The following ZYG11B variants were observed in gnomAD, a reference collection of about 807,000 sequenced individuals.
ZYG11B encodes the protein protein zyg-11 homolog B.
Under a neutral mutation model 82.4 loss-of-function variants are expected in ZYG11B, and 36 were observed. The ratio of observed to expected loss-of-function variants is 0.44; its 90% CI spans 0.33 to 0.58. The LOEUF (loss-of-function observed/expected upper bound fraction) is 0.58. Among genes scored for constraint, ZYG11B ranks in the 20% least tolerant of loss-of-function variants. ZYG11B has a pLI of 0.02. For synonymous variants in ZYG11B, 303 were observed against 312.8 expected, an observed-to-expected ratio of 0.97 and a Z score of 0.33; for missense variants, 552 against 895.6, an observed-to-expected ratio of 0.62 and a Z score of 4.90.
At chr1:52,794,612 C>T (rs1462673112) in intron 6 of ZYG11B, among the ~76,000 whole-genome samples, 4 of 152,158 alleles carry the variant, frequency 2.6e-5, no homozygotes, top group Non-Finnish European at 2.9e-5. Context: ...GACTGTGGAT[C>T]TCTGACAGCT....
intron 1 of ZYG11B, among the ~76,000 whole-genome samples, chr1:52,749,018 T>C (rs1012396753): frequency 1.3e-5 from 2 of 151,468 alleles, no homozygotes; most frequent in Non-Finnish European, 2.9e-5. Flanking sequence ...CTGGCTAACA[T>C]GATGAAACCC....
At chr1:52,796,453 T>TC in intron 7 of ZYG11B, 62 bp downstream of exon 7, 3 of 1,362,262 alleles carry the variant, frequency 2.2e-6, no homozygotes, top group South Asian at 1.2e-5. Context: ...ATTTACTGTT[T>TC]CCCCCCAAAA....
chr1:52,783,889 C>CATACACGTGTGTGTGTATGTAG (rs1644884523), intron 4 of ZYG11B, among the ~76,000 whole-genome samples: 2 of 98,562 alleles, frequency 2.0e-5, no homozygotes, highest in Non-Finnish European at 3.6e-5. Context: ...TGTATATGTA[C>CATACACGTGTGTGTGTATGTAG]ATACACGTGT....
chr1:52,774,819 C>T (rs1319587225), intron 3 of ZYG11B, among the ~76,000 whole-genome samples: 1 of 152,008 alleles, frequency 6.6e-6, no homozygotes, highest in African/African-American at 2.4e-5. Flanking sequence ...GTTTTCTCTT[C>T]TGTTACCATC....
chr1:52,775,660 C>T (rs1644797539), intron 3 of ZYG11B, among the ~76,000 whole-genome samples: 1 of 151,334 alleles, frequency 6.6e-6, no homozygotes, highest in Admixed American at 6.6e-5. Context: ...CACTGCACTC[C>T]AGCCTGGGCG....
intron 2 of ZYG11B, 75 bp from the exon 3 acceptor site, chr1:52,770,945 A>G: frequency 6.7e-7 from 1 of 1,491,812 alleles, no homozygotes; most frequent in Non-Finnish European, 9.0e-7. Flanking sequence ...CGCTTTGGAA[A>G]TGTAAAGTGT....
intron 1 of ZYG11B, among the ~76,000 whole-genome samples, chr1:52,744,850 A>G (rs903373497): frequency 2.0e-5 from 3 of 152,128 alleles, no homozygotes; most frequent in South Asian, 4.2e-4. Flanking sequence ...CAAAAAAAAA[A>G]TATATTTCTA....
chr1:52,729,793 G>A (rs1644314988), intron 1 of ZYG11B, among the ~76,000 whole-genome samples: 1 of 152,022 alleles, frequency 6.6e-6, no homozygotes, highest in South Asian at 2.1e-4. Flanking sequence ...TGAACTGAGG[G>A]CAGGGCCTGA....
At chr1:52,786,934 T>C (rs1373940921) in intron 5 of ZYG11B, among the ~76,000 whole-genome samples, 1 of 151,750 alleles carries the variant, frequency 6.6e-6, no homozygotes, top group Non-Finnish European at 1.5e-5. Flanking sequence ...CTACTAAAAA[T>C]ACAATATTAG....
intron 10 of ZYG11B, among the ~76,000 whole-genome samples, chr1:52,810,016 A>C (rs571433467): frequency 6.6e-6 from 1 of 151,994 alleles, no homozygotes; most frequent in South Asian, 2.1e-4. Context: ...TTGGTTGCTG[A>C]ATATTTTTGT....
At chr1:52,746,008 G>T (rs1644473129) in intron 1 of ZYG11B, among the ~76,000 whole-genome samples, 1 of 151,336 alleles carries the variant, frequency 6.6e-6, no homozygotes, top group Admixed American at 6.6e-5. Context: ...GCCTAGGCTG[G>T]AGTGCAGTGG....
chr1:52,793,096 T>A (rs1263691444), intron 6 of ZYG11B, among the ~76,000 whole-genome samples: 1 of 150,454 alleles, frequency 6.6e-6, no homozygotes, highest in Non-Finnish European at 1.5e-5. Context: ...TGCCTTGGCC[T>A]CCCAAAGTGC....
At chr1:52,810,973 G>A (rs758562701) in intron 10 of ZYG11B, among the ~76,000 whole-genome samples, 6 of 150,612 alleles carry the variant, frequency 4.0e-5, no homozygotes, top group Admixed American at 1.3e-4. Context: ...GGCGGAAGTT[G>A]CAGTGAGCTG....
chr1:52,788,570 A>G (rs753913578), intron 5 of ZYG11B, among the ~76,000 whole-genome samples: 3 of 152,276 alleles, frequency 2.0e-5, no homozygotes, highest in Admixed American at 6.5e-5. Context: ...ACTTAGGACA[A>G]TTTGAAAATT....
At chr1:52,796,155 G>A in intron 6 of ZYG11B, 137 bp from the exon 7 acceptor site, 3 of 571,174 alleles carry the variant, frequency 5.3e-6, no homozygotes, top group East Asian at 2.9e-5. Context: ...AAGTGTAATT[G>A]TTACTCTCTA....
At chr1:52,728,861 A>ATT (rs55730485) in intron 1 of ZYG11B, among the ~76,000 whole-genome samples, 1 of 149,288 alleles carries the variant, frequency 6.7e-6, no homozygotes. Context: ...CCTCACAGGG[A>ATT]TTTTTTTTTT....
chr1:52,768,737 G>A (rs1282389032), intron 2 of ZYG11B, among the ~76,000 whole-genome samples: 1 of 151,914 alleles, frequency 6.6e-6, no homozygotes, highest in Non-Finnish European at 1.5e-5. Context: ...GGTATTACAG[G>A]CGCGCACCAC....
intron 1 of ZYG11B, among the ~76,000 whole-genome samples, chr1:52,743,347 A>G (rs1480980907): frequency 1.4e-5 from 2 of 144,692 alleles, no homozygotes; most frequent in South Asian, 2.2e-4. Flanking sequence ...CTATTGTCCT[A>G]TGACCCTGCC....
In ZYG11B at chr1:52,755,162, C is replaced by T. The variant is rs551094628; in HGVS notation, c.31-1296C>T. Among the ~76,000 whole-genome samples, 14 of 152,054 alleles carry T rather than the reference C, an allele frequency of 9.2e-5. No individual in the cohort carries two copies. The South Asian group carries it at 2.5e-3, about 27-fold the overall frequency. On this transcript the variant is annotated intron_variant, in intron 1 of 13. Coordinates refer to ENST00000294353, the MANE Select transcript of ZYG11B (RefSeq NM_024646.3). ...ATTTTTAGTAGAGATGGGATTTGAC[C>T]GTGTTAGCCAGGATGGTCTCGATCT...
Sources: gnomAD v4.1 joint callset for allele counts (sites outside exome capture counted in the v4.1 genomes callset) on GRCh38, gnomAD v4.1.1 for gene constraint, MANE v1.5 for transcripts, NCBI Gene and HGNC (gene_info 2026-07-23, HGNC 2026-07-21) for gene names.